The following DIAPH3 variants were observed in gnomAD, a reference collection of about 807,000 sequenced individuals.
DIAPH3 encodes protein diaphanous homolog 3.
DIAPH3 carries 117 observed loss-of-function variants against 144.3 expected under a neutral mutation model. The observed-to-expected ratio is 0.81, with a 90% CI of 0.70 to 0.95. The LOEUF (loss-of-function observed/expected upper bound fraction) is 0.95. DIAPH3 is among the 40% of genes least tolerant of loss of function. The pLI is 0.00. For missense variants in DIAPH3, 1,421 were observed against 1,412.7 expected, an observed-to-expected ratio of 1.01 and a Z score of -0.09; for synonymous variants, 519 against 488.9, an observed-to-expected ratio of 1.06 and a Z score of -0.81.
intron 20 of DIAPH3, among the ~76,000 whole-genome samples, chr13:59,893,030 C>A (rs147908437): frequency 6.6e-6 from 1 of 152,044 alleles, no homozygotes; most frequent in Non-Finnish European, 1.5e-5. Flanking sequence ...GACATAAAAT[C>A]TCATTTAATA....
At chr13:60,147,996 A>T (rs1362881522) in intron 1 of DIAPH3, among the ~76,000 whole-genome samples, 3 of 152,138 alleles carry the variant, frequency 2.0e-5, no homozygotes, top group Non-Finnish European at 4.4e-5. Context: ...AAGATAGATG[A>T]GGTCAGGGAC....
chr13:59,908,943 A>G lies in DIAPH3; in HGVS notation c.2367+2792T>C, dbSNP rs539456980. On this transcript the variant is annotated intron_variant, in intron 20 of 27. Transcript: ENST00000400324. ...TACCCCAAACTCTTGACTTTTTCTT[A>G]TATCTAACTGTGTGATGATTTTTCA... Among the ~76,000 whole-genome samples the G allele has an allele frequency of 1.1e-4, 17 of 152,296 alleles. No homozygotes were observed. In the East Asian group the frequency reaches 2.9e-3, roughly 26 times the overall value.
intron 5 of DIAPH3, among the ~76,000 whole-genome samples, chr13:60,017,781 T>C (rs999465541): frequency 6.6e-6 from 1 of 152,232 alleles, no homozygotes; most frequent in Non-Finnish European, 1.5e-5. Context: ...ACAGGAAAGA[T>C]ACTCTCTTGT....
At chr13:59,851,441 G>T (rs879282297) in intron 22 of DIAPH3, among the ~76,000 whole-genome samples, 15 of 152,016 alleles carry the variant, frequency 9.9e-5, no homozygotes, top group Non-Finnish European at 1.8e-4. Flanking sequence ...ATCTAAAACT[G>T]CAAAAAACCC....
At chr13:60,138,220 C>T (rs868599876) in intron 1 of DIAPH3, among the ~76,000 whole-genome samples, 27 of 152,164 alleles carry the variant, frequency 1.8e-4, no homozygotes, top group African/African-American at 6.5e-4. Flanking sequence ...CCTCAGTCTA[C>T]CAATATTCTT....
rs114429833 is a variant in DIAPH3 at position 59,690,828 on chromosome 13, C to T, written c.3320-23982G>A. Among the ~76,000 whole-genome samples, 677 of 152,178 alleles carry T rather than the reference C, an allele frequency of 4.4e-3. 7 individuals are homozygous for T. The highest frequency in any genetic ancestry group is 0.014 in the African/African-American group (596 of 41,502). ...AGCCATTGTGCTGAGGCCAGGGATG[C>T]AAGGATGAACAAGATCTTAGGCCTT... On this transcript the variant is annotated intron_variant, in intron 27 of 27. Transcript: ENST00000400324.
At chr13:60,109,585 T>C (rs2058512597) in intron 3 of DIAPH3, among the ~76,000 whole-genome samples, 2 of 152,120 alleles carry the variant, frequency 1.3e-5, no homozygotes, top group Admixed American at 6.5e-5. Flanking sequence ...GCAGCTTTCT[T>C]TGGGTGAAAA....
chr13:60,012,298 G>A (rs2053323178), intron 7 of DIAPH3, among the ~76,000 whole-genome samples: 4 of 152,134 alleles, frequency 2.6e-5, no homozygotes, highest in Admixed American at 2.6e-4. Flanking sequence ...ATGAGGAAAG[G>A]CCAAGGGCCC....
At chr13:59,991,097 A>T in intron 12 of DIAPH3, 61 bp downstream of exon 12, 1 of 1,080,288 alleles carries the variant, frequency 9.3e-7, no homozygotes, top group Non-Finnish European at 1.4e-6. Flanking sequence ...TATGATGTGA[A>T]TTTCACAATT....
chr13:60,115,737 T>G (rs1417590276), intron 2 of DIAPH3, among the ~76,000 whole-genome samples: 1 of 152,160 alleles, frequency 6.6e-6, no homozygotes, highest in Admixed American at 6.5e-5. Context: ...AGACTATTAT[T>G]TAAATATATT....
chr13:60,093,521 C>T (rs2058017276), intron 4 of DIAPH3, 107 bp downstream of exon 4: 1 of 724,390 alleles, frequency 1.4e-6, no homozygotes, highest in Non-Finnish European at 2.5e-6. Context: ...TTCAGAAGCC[C>T]TCTGATTACA....
chr13:59,700,696 A>T (rs1429508836), intron 27 of DIAPH3, among the ~76,000 whole-genome samples: 1 of 152,174 alleles, frequency 6.6e-6, no homozygotes, highest in Non-Finnish European at 1.5e-5. Context: ...CCTGACCCAC[A>T]CTGGACTTCA....
intron 25 of DIAPH3, among the ~76,000 whole-genome samples, chr13:59,797,234 A>G (rs896257069): frequency 6.6e-6 from 1 of 152,046 alleles, no homozygotes; most frequent in Non-Finnish European, 1.5e-5. Context: ...AATGCTGTTT[A>G]TTTATCTTAA....
intron 27 of DIAPH3, among the ~76,000 whole-genome samples, chr13:59,768,735 T>C (rs1172755756): frequency 1.3e-5 from 2 of 152,156 alleles, no homozygotes; most frequent in African/African-American, 4.8e-5. Context: ...CAGCTGTGCC[T>C]GGAGGCAATA....
intron 23 of DIAPH3, among the ~76,000 whole-genome samples, chr13:59,834,973 C>T (rs148789369): frequency 4.5e-4 from 69 of 151,794 alleles, no homozygotes; most frequent in African/African-American, 1.7e-3. Context: ...TAAGTGTTGG[C>T]CAGCTATGAC....
chr13:60,141,370 A>C (rs947276939), intron 1 of DIAPH3, among the ~76,000 whole-genome samples: 1 of 152,210 alleles, frequency 6.6e-6, no homozygotes, highest in East Asian at 1.9e-4. Context: ...ATTAAATATG[A>C]AGACCCAGTC....
intron 5 of DIAPH3, among the ~76,000 whole-genome samples, chr13:60,018,931 C>A (rs2053831407): frequency 6.6e-6 from 1 of 152,140 alleles, no homozygotes; most frequent in Non-Finnish European, 1.5e-5. Flanking sequence ...CATAAAACAT[C>A]TCCCTGTTTT....
At chr13:59,861,192 A>G in intron 22 of DIAPH3, 1 of 1,425,772 alleles carries the variant, frequency 7.0e-7, no homozygotes, top group South Asian at 1.5e-5. Context: ...AGTATTTTAT[A>G]ATATAAGGCC....
intron 22 of DIAPH3, among the ~76,000 whole-genome samples, chr13:59,856,990 G>T (rs2043295371): frequency 6.6e-6 from 1 of 151,754 alleles, no homozygotes; most frequent in South Asian, 2.1e-4. Flanking sequence ...AAATTATGAG[G>T]CCCCAACCTA....
Sources: allele counts gnomAD v4.1 joint callset (sites outside exome capture counted in the v4.1 genomes callset), GRCh38; gene constraint gnomAD v4.1.1; transcripts MANE v1.5; gene names NCBI Gene and HGNC (gene_info 2026-07-23, HGNC 2026-07-21).